Variants in SORCS2 observed in about 807,000 individuals in gnomAD.
The protein encoded by SORCS2 is sortilin related VPS10 domain containing receptor 2.
SORCS2 carries 100 observed loss-of-function variants against 141.6 expected under a neutral mutation model. That is an observed-to-expected ratio of 0.71 (90% CI 0.60 to 0.83). The LOEUF is 0.83. Ranked by LOEUF, SORCS2 falls within the 40% of genes least tolerant of loss-of-function variation. The pLI, the probability that SORCS2 is intolerant of heterozygous loss-of-function variation, is 0.00. For synonymous variants in SORCS2, 789 were observed against 676.9 expected, an observed-to-expected ratio of 1.17 and a Z score of -2.57; for missense variants, 1,646 against 1,560.2, an observed-to-expected ratio of 1.05 and a Z score of -0.93.
intron 3 of SORCS2, among the ~76,000 whole-genome samples, chr4:7,575,216 C>A (rs1000468923): frequency 2.0e-5 from 3 of 152,180 alleles, no homozygotes; most frequent in African/African-American, 7.2e-5. Flanking sequence ...CTCAGTTCCA[C>A]AGAAATATAC....
intron 1 of SORCS2, among the ~76,000 whole-genome samples, chr4:7,245,010 G>A (rs1367187431): frequency 6.6e-6 from 1 of 152,218 alleles, no homozygotes; most frequent in Non-Finnish European, 1.5e-5. Context: ...GGAACCCAAG[G>A]TGGCCGCCTA....
chr4:7,729,271 C>T (rs1048384196), intron 22 of SORCS2, among the ~76,000 whole-genome samples: 2 of 152,050 alleles, frequency 1.3e-5, no homozygotes, highest in African/African-American at 4.8e-5. Context: ...AGGACATTAG[C>T]CAGGGAGGAA....
intron 20 of SORCS2, 59 bp from the exon 21 acceptor site, chr4:7,726,721 G>A (rs529561649): frequency 1.1e-4 from 169 of 1,585,250 alleles, no homozygotes; most frequent in Admixed American, 1.0e-4. Flanking sequence ...ATAGGCCAGC[G>A]TCCCCCACGG....
intron 1 of SORCS2, among the ~76,000 whole-genome samples, chr4:7,338,184 T>TTGGA (rs765668328): frequency 1.2e-4 from 14 of 120,010 alleles, no homozygotes; most frequent in South Asian, 2.7e-4. Context: ...TGGATGGATG[T>TTGGA]TGGATGTTGG....
rs774062928 is a variant in SORCS2 at position 7,725,278 on chromosome 4, C to G, written c.2736C>G (p.His912Gln). The G allele has an allele frequency of 9.3e-6, 15 of 1,613,028 alleles. No individual in the cohort carries two copies. The East Asian group carries it at 3.3e-4, about 36-fold the overall frequency. ...NLTVFYWWIG[H>Q]SLQPLLSLDN... ...CCGTCTTCTACTGGTGGATCGGCCA[C>G]AGCCTGCAGGTGCGCTGGCTTTGCC... Residue 912 changes from histidine (H) to glutamine (Q), a missense_variant, in exon 20 of 27, where the codon CAC (histidine) becomes CAG (glutamine). Coordinates refer to ENST00000507866, the MANE Select transcript of SORCS2 (RefSeq NM_020777.3).
In SORCS2 at chr4:7,691,418, G is replaced by T. The variant is rs201585654; in HGVS notation, c.1591+1830G>T. On this transcript the variant is annotated intron_variant, in intron 11 of 26. Coordinates refer to ENST00000507866, the MANE Select transcript of SORCS2 (RefSeq NM_020777.3). ...GGACCAGACCAGAGTGCAGGGAGTG[G>T]CTGGAGGTGAAGCCTACGTGCAGGG... Among the ~76,000 whole-genome samples the T allele has an allele frequency of 7.9e-5, 12 of 152,330 alleles. No homozygotes were observed. In the East Asian group the frequency reaches 1.4e-3, roughly 17 times the overall value.
At chr4:7,357,934 T>C (rs982080746) in intron 1 of SORCS2, among the ~76,000 whole-genome samples, 1 of 152,202 alleles carries the variant, frequency 6.6e-6, no homozygotes, top group African/African-American at 2.4e-5. Flanking sequence ...AAGACCATGG[T>C]TCCTTTGGTT....
rs768251905 is a variant in SORCS2, at chr4:7,667,233, G to A, written c.1161+20G>A. The A allele has an allele frequency of 8.1e-6, 13 of 1,609,846 alleles. No individual in the cohort carries two copies. Among genetic ancestry groups the A allele is most frequent in the East Asian group, 2.2e-5 (1 of 44,794 alleles). ...CCAAAGGTAAGGTGCTCCCCATTCCGCCTGGTCCTGTGGCCAGACCCTAAG... is the reference window on the plus strand; with the variant it reads ...CCAAAGGTAAGGTGCTCCCCATTCCACCTGGTCCTGTGGCCAGACCCTAAG... On this transcript the variant is annotated intron_variant, in intron 8 of 26. Coordinates refer to ENST00000507866, the MANE Select transcript of SORCS2 (RefSeq NM_020777.3).
intron 1 of SORCS2, among the ~76,000 whole-genome samples, chr4:7,374,198 T>TCTTTCTTTC (rs1722483753): frequency 6.7e-5 from 10 of 149,592 alleles, no homozygotes; most frequent in African/African-American, 9.9e-5. Context: ...TTTCTTTCTT[T>TCTTTCTTTC]TTTGCAGAGA....
At chr4:7,283,990 G>A (rs896320261) in intron 1 of SORCS2, among the ~76,000 whole-genome samples, 1 of 152,150 alleles carries the variant, frequency 6.6e-6, no homozygotes, top group African/African-American at 2.4e-5. Flanking sequence ...AGCCCTGATG[G>A]GATCACCAGG....
At chr4:7,702,028 G>C (rs1224198382) in intron 12 of SORCS2, among the ~76,000 whole-genome samples, 2 of 152,116 alleles carry the variant, frequency 1.3e-5, no homozygotes, top group African/African-American at 4.8e-5. Flanking sequence ...GTTCCTGGAA[G>C]CTCTGCACAG....
Position 7,574,517 on chromosome 4 carries a change from G to A in SORCS2, c.648+42888G>A, listed in dbSNP as rs528550172. Among the ~76,000 whole-genome samples, 139 of 152,206 alleles carry A rather than the reference G, an allele frequency of 9.1e-4. 1 individual carries two copies. The highest frequency in any genetic ancestry group is 1.6e-3 in the African/African-American group (66 of 41,534). ...GTGTTATGCAGAATGTCAGGTCAGC[G>A]CAGCAGGTGGGACCATGCCTCGTTA... On this transcript the variant is annotated intron_variant, in intron 3 of 26. Coordinates refer to ENST00000507866, the MANE Select transcript of SORCS2 (RefSeq NM_020777.3).
chr4:7,256,176 G>A (rs10032667), intron 1 of SORCS2, among the ~76,000 whole-genome samples: 133,143 of 152,150 alleles, frequency 0.88, 58,440 homozygotes, highest in African/African-American at 0.92. Context: ...GAACAGCCCT[G>A]GGGCAGGGAG....
chr4:7,272,204 C>T (rs1022304667), intron 1 of SORCS2, among the ~76,000 whole-genome samples: 7 of 152,148 alleles, frequency 4.6e-5, no homozygotes, highest in Non-Finnish European at 5.9e-5. Flanking sequence ...TAAAAGGCTG[C>T]GGCAAGTTTC....
intron 11 of SORCS2, among the ~76,000 whole-genome samples, chr4:7,695,432 A>G (rs796840424): frequency 6.6e-5 from 2 of 30,456 alleles, no homozygotes; most frequent in South Asian, 1.8e-3. Context: ...GGATGGATGG[A>G]TGGATTGGTG....
In SORCS2 at chr4:7,413,050, CAAGGTACTGGGTAGTGCCTT is replaced by C. The variant is rs545450687; in HGVS notation, c.548+16713_548+16732del. Among the ~76,000 whole-genome samples the C allele has an allele frequency of 4.7e-4, 72 of 152,250 alleles. No homozygotes were observed. In the East Asian group the frequency reaches 5.0e-3, roughly 11 times the overall value. ...TTAACCGCCTCCCATTTCCTCAAACCAAGGTACTGGGTAGTGCCTTAAGGTACTGGGTAGTGCTTTAAGAA... is the reference window on the plus strand; with the variant it reads ...TTAACCGCCTCCCATTTCCTCAAACCAAGGTACTGGGTAGTGCTTTAAGAA... On this transcript the variant is annotated intron_variant, in intron 2 of 26. Coordinates refer to ENST00000507866, the MANE Select transcript of SORCS2 (RefSeq NM_020777.3).
intron 2 of SORCS2, among the ~76,000 whole-genome samples, chr4:7,525,671 GTCCCCAACTCAGTCA>G (rs1733623384): frequency 6.6e-6 from 1 of 151,996 alleles, no homozygotes; most frequent in South Asian, 2.1e-4. Flanking sequence ...TCAGTCACCT[GTCCCCAACTCAGTCA>G]CCTGTCCCCA....
At chr4:7,271,814 G>C (rs1456700912) in intron 1 of SORCS2, among the ~76,000 whole-genome samples, 1 of 152,238 alleles carries the variant, frequency 6.6e-6, no homozygotes, top group African/African-American at 2.4e-5. Flanking sequence ...GCCTATGCCG[G>C]GGCCCGAGAC....
rs1398000292 is a variant in SORCS2, at chr4:7,648,711, T to A, written c.814-5423T>A. ...GGTTGGAGAGCTCAGAATGTGAGCT[T>A]GGACCTGCCATGGTGGAGGAAGAGA... On this transcript the variant is annotated intron_variant, in intron 4 of 26. Coordinates refer to ENST00000507866, the MANE Select transcript of SORCS2 (RefSeq NM_020777.3). The surrounding 1 kb of genome is among the most constrained non-coding windows in gnomAD (Gnocchi z 4.2). 6.6e-6 allele frequency among the ~76,000 whole-genome samples: 1 copy of A among 151,944 alleles called. No individual in the cohort carries two copies. Among genetic ancestry groups the A allele is most frequent in the East Asian group, 1.9e-4 (1 of 5,180 alleles).
Sources: gnomAD v4.1 joint callset for allele counts (sites outside exome capture counted in the v4.1 genomes callset) on GRCh38, gnomAD v4.1.1 for gene constraint, Gnocchi (gnomAD v3.1) non-coding constraint, MANE v1.5 for transcripts, NCBI Gene and HGNC (gene_info 2026-07-23, HGNC 2026-07-21) for gene names.